Variants in DNAH14 observed in about 807,000 individuals in gnomAD.
DNAH14 encodes dynein axonemal heavy chain 14.
Under a neutral mutation model 520.9 loss-of-function variants are expected in DNAH14, and 478 were observed. The observed-to-expected ratio is 0.92, with a 90% CI of 0.85 to 0.99. DNAH14 has a LOEUF of 0.99. Among genes scored for constraint, DNAH14 ranks in the 50% least tolerant of loss-of-function variants. DNAH14 has a pLI of 0.00. For synonymous variants in DNAH14, 1,581 were observed against 1,757.2 expected (o/e 0.90, Z 2.51); for missense variants, 4,831 against 5,234.5 (o/e 0.92, Z 2.38).
intron 54 of DNAH14, among the ~76,000 whole-genome samples, chr1:225,280,719 CAA>C (rs1333455934): frequency 6.6e-6 from 1 of 151,856 alleles, no homozygotes; most frequent in African/African-American, 2.4e-5. Flanking sequence ...CATTCAAAGA[CAA>C]AGAGAAAATC....
At chr1:225,371,421 G>C (rs918457785) in intron 77 of DNAH14, among the ~76,000 whole-genome samples, 1 of 151,940 alleles carries the variant, frequency 6.6e-6, no homozygotes, top group Non-Finnish European at 1.5e-5. Flanking sequence ...GGATTAAAAG[G>C]AACCACTTAA....
intron 68 of DNAH14, among the ~76,000 whole-genome samples, chr1:225,339,049 C>A (rs1414719225): frequency 2.0e-5 from 3 of 151,626 alleles, no homozygotes; most frequent in Non-Finnish European, 2.9e-5. Flanking sequence ...GTAATCCCAG[C>A]ACTTTGGGAA....
chr1:225,109,687 G>A (rs2076341121), intron 23 of DNAH14, among the ~76,000 whole-genome samples: 1 of 152,012 alleles, frequency 6.6e-6, no homozygotes, highest in Admixed American at 6.6e-5. Context: ...CAACTTGGAT[G>A]CCCTTTGTTT....
chr1:225,067,684 T>C (rs895144085), intron 17 of DNAH14, among the ~76,000 whole-genome samples: 9 of 152,196 alleles, frequency 5.9e-5, no homozygotes, highest in African/African-American at 1.4e-4. Flanking sequence ...TGGTAGCTCA[T>C]TGTGGTTTTG....
intron 19 of DNAH14, among the ~76,000 whole-genome samples, chr1:225,081,436 G>A (rs989434951): frequency 2.0e-5 from 3 of 152,110 alleles, no homozygotes; most frequent in African/African-American, 7.2e-5. Context: ...TAGTCTCAAG[G>A]CTTTAACATA....
At position 225,335,699 on chromosome 1, in the gene DNAH14, GTGCATATATGTATATACGCATATA is replaced by G. The variant is rs1558434567; in HGVS notation, c.10081-1565_10081-1542del. On this transcript the variant is annotated intron_variant, in intron 66 of 85. Transcript: ENST00000682510. ...TATGTATATACGCATATATACATAT[GTGCATATATGTATATACGCATATA>G]TACATATGTGCATATATGTATATAC... Among the ~76,000 whole-genome samples the G allele has an allele frequency of 4.1e-4, 34 of 82,384 alleles. 6 individuals are homozygous for G. Among genetic ancestry groups the G allele is most frequent in the Non-Finnish European group, 7.7e-4 (32 of 41,710 alleles). The allele number at this position is 82,384 out of a possible 152,430, so 54.0% of individuals were successfully genotyped here. A position where few individuals can be genotyped will look rare whatever the true frequency, so the allele number is the denominator to read the frequency against.
chr1:225,036,583 C>T (rs889030896), intron 11 of DNAH14, among the ~76,000 whole-genome samples: 4 of 152,114 alleles, frequency 2.6e-5, no homozygotes, highest in Admixed American at 2.0e-4. Context: ...CCCTCCAAGT[C>T]TGCTTTTAGG....
rs1361802556 is a variant in DNAH14 at position 225,056,186 on chromosome 1, C to T, written c.2424+4391C>T. ...AAGTGCTCCTATTTCTCCACATCCT[C>T]TCCAGCACCTGTTGTTTCCTGACTT... On this transcript the variant is annotated intron_variant, in intron 17 of 85. Coordinates refer to ENST00000682510, the MANE Select transcript of DNAH14 (RefSeq NM_001367479.1). Among the ~76,000 whole-genome samples the T allele has an allele frequency of 2.6e-5, 4 of 152,096 alleles. No homozygotes were observed. In the East Asian group the frequency reaches 5.8e-4, roughly 22 times the overall value.
chr1:224,941,724 T>A (rs2125403624), intron 1 of DNAH14, among the ~76,000 whole-genome samples: 1 of 152,336 alleles, frequency 6.6e-6, no homozygotes, highest in Non-Finnish European at 1.5e-5. Context: ...GCTTTCTACA[T>A]ATGGCTAGCC....
At position 225,095,161 on chromosome 1, in the gene DNAH14, GA is replaced by G. The variant is rs554019637; in HGVS notation, c.3574-1955del. Among the ~76,000 whole-genome samples the G allele has an allele frequency of 1.7e-3, 259 of 152,180 alleles. No homozygotes were observed. In the Middle Eastern group the frequency reaches 0.017, roughly 10 times the overall value. On this transcript the variant is annotated intron_variant, in intron 21 of 85. Coordinates refer to ENST00000682510, the MANE Select transcript of DNAH14 (RefSeq NM_001367479.1). ...CCCATTATTGAGTATATACCCAAAG[GA>G]ATATAAAATTGTTCTATCATAAAGA...
At chr1:225,296,635 C>T (rs1196953214) in intron 55 of DNAH14, among the ~76,000 whole-genome samples, 1 of 151,830 alleles carries the variant, frequency 6.6e-6, no homozygotes, top group Non-Finnish European at 1.5e-5. Flanking sequence ...TTCACTTCCA[C>T]TTGTAAGACT....
intron 10 of DNAH14, among the ~76,000 whole-genome samples, chr1:225,010,608 A>C (rs2064639043): frequency 6.6e-6 from 1 of 152,172 alleles, no homozygotes; most frequent in South Asian, 2.1e-4. Context: ...TGCTGGCCTC[A>C]GAAAATGAGT....
intron 75 of DNAH14, among the ~76,000 whole-genome samples, chr1:225,361,551 C>T (rs2095492010): frequency 6.6e-6 from 1 of 152,188 alleles, no homozygotes; most frequent in African/African-American, 2.4e-5. Context: ...GGCCAATATC[C>T]TGTGGTAAAA....
intron 38 of DNAH14, among the ~76,000 whole-genome samples, chr1:225,194,180 A>C (rs1172173926): frequency 6.6e-6 from 1 of 152,174 alleles, no homozygotes. Flanking sequence ...TTTTTCACAG[A>C]ATTAGAAAAA....
intron 41 of DNAH14, among the ~76,000 whole-genome samples, chr1:225,219,830 C>T (rs1295579214): frequency 6.6e-6 from 1 of 152,150 alleles, no homozygotes; most frequent in African/African-American, 2.4e-5. Context: ...CATCCTGGTA[C>T]CAAAACCTGG....
Position 225,346,505 on chromosome 1 carries a change from G to A in DNAH14, c.11147G>A (p.Arg3716Gln), listed in dbSNP as rs1445802354. 6.4e-6 allele frequency: 10 copies of A among 1,550,524 alleles called. No individual in the cohort carries two copies. Among genetic ancestry groups the A allele is most frequent in the African/African-American group, 5.5e-5 (4 of 72,886 alleles). The change falls in exon 71 of 86, where the codon CGG becomes CAG. Residue 3716 changes from arginine to glutamine, a missense_variant. Transcript: ENST00000682510. ...FNEDKLCFSF[R>Q]LCTVIMQNNA... is the part of the protein sequence containing the mutation. ...GAAGATAAACTTTGCTTCTCTTTTCGGCTTTGCACTGTAATCATGCAAAAC... is the reference window on the plus strand; with the variant it reads ...GAAGATAAACTTTGCTTCTCTTTTCAGCTTTGCACTGTAATCATGCAAAAC...
At chr1:225,178,813 CA>C (rs2083635111) in intron 36 of DNAH14, among the ~76,000 whole-genome samples, 1 of 152,100 alleles carries the variant, frequency 6.6e-6, no homozygotes, top group Non-Finnish European at 1.5e-5. Context: ...GCTGTGTCCC[CA>C]CCCGTATCTC....
At chr1:225,189,011 A>G (rs1429758366) in intron 37 of DNAH14, among the ~76,000 whole-genome samples, 47 of 151,818 alleles carry the variant, frequency 3.1e-4, no homozygotes, top group Non-Finnish European at 1.5e-5. Context: ...TTATCATGTT[A>G]AGGAAGTTTA....
chr1:224,946,519 G>A (rs577278021), intron 1 of DNAH14, among the ~76,000 whole-genome samples: 12 of 152,168 alleles, frequency 7.9e-5, no homozygotes, highest in South Asian at 4.1e-4. Context: ...AGATGAACCC[G>A]GTACCTCAGT....
Sources: allele counts gnomAD v4.1 joint callset (sites outside exome capture counted in the v4.1 genomes callset), GRCh38; gene constraint gnomAD v4.1.1; transcripts MANE v1.5; gene names NCBI Gene and HGNC (gene_info 2026-07-23, HGNC 2026-07-21).